The following SPRED2 variants were observed in gnomAD, a reference collection of about 807,000 sequenced individuals.
SPRED2 encodes sprouty related EVH1 domain containing 2.
In SPRED2, 47 loss-of-function variants were observed where a neutral mutation model predicts 43.0. The ratio of observed to expected loss-of-function variants is 1.09; its 90% CI spans 0.87 to 1.40. The LOEUF (loss-of-function observed/expected upper bound fraction) is 1.40, where lower values mean the gene tolerates loss of function less well. Among genes scored for constraint, SPRED2 ranks in the 40% most tolerant of loss-of-function variants. SPRED2 has a pLI of 0.00. For synonymous variants in SPRED2, 225 were observed against 225.7 expected, an observed-to-expected ratio of 1.00 and a Z score of 0.03; for missense variants, 561 against 586.4, an observed-to-expected ratio of 0.96 and a Z score of 0.45.
chr2:65,420,004 G>T (rs1676383660), intron 1 of SPRED2, among the ~76,000 whole-genome samples: 1 of 152,100 alleles, frequency 6.6e-6, no homozygotes, highest in Non-Finnish European at 1.5e-5. Context: ...GAGGTCAGGA[G>T]TTCGAGACCA....
At chr2:65,357,926 G>A (rs561354952) in intron 1 of SPRED2, among the ~76,000 whole-genome samples, 1 of 152,176 alleles carries the variant, frequency 6.6e-6, no homozygotes, top group Middle Eastern at 3.4e-3. Flanking sequence ...GAGGGGTAGA[G>A]ACCACAAATG....
chr2:65,330,175 G>A (rs2104197233), intron 4 of SPRED2, among the ~76,000 whole-genome samples: 1 of 152,276 alleles, frequency 6.6e-6, no homozygotes, highest in South Asian at 2.1e-4. Flanking sequence ...AAACCATCTT[G>A]TGATCTCTTT....
intron 1 of SPRED2, among the ~76,000 whole-genome samples, chr2:65,356,986 T>C (rs1304333729): frequency 6.6e-6 from 1 of 152,036 alleles, no homozygotes; most frequent in Non-Finnish European, 1.5e-5. Context: ...AGAATGAGTC[T>C]CTGTCTCAAA....
At chr2:65,336,495 T>A (rs1673970378) in intron 2 of SPRED2, among the ~76,000 whole-genome samples, 1 of 152,206 alleles carries the variant, frequency 6.6e-6, no homozygotes, top group Admixed American at 6.5e-5. Context: ...TACATTGTAT[T>A]GAGATCGGAC....
chr2:65,360,429 G>A (rs183041776), intron 1 of SPRED2, among the ~76,000 whole-genome samples: 2 of 152,340 alleles, frequency 1.3e-5, no homozygotes, highest in East Asian at 1.9e-4. Context: ...TTGTGTGTTC[G>A]CATATAGCGA....
intron 1 of SPRED2, among the ~76,000 whole-genome samples, chr2:65,412,033 CA>C (rs966745063): frequency 9.3e-5 from 14 of 150,964 alleles, no homozygotes; most frequent in African/African-American, 3.4e-4. Flanking sequence ...GAGGCTGAGG[CA>C]GGAGAATGGC....
At chr2:65,320,041 T>C (rs548441882) in intron 4 of SPRED2, among the ~76,000 whole-genome samples, 78 of 152,214 alleles carry the variant, frequency 5.1e-4, no homozygotes, top group Non-Finnish European at 9.6e-4. Context: ...CACCCTGCTG[T>C]ATACAAACCC....
intron 1 of SPRED2, among the ~76,000 whole-genome samples, chr2:65,405,322 C>T (rs1210764966): frequency 6.6e-6 from 1 of 152,164 alleles, no homozygotes; most frequent in Non-Finnish European, 1.5e-5. Context: ...AGTCGTTATC[C>T]AGGGAGTTAC....
chr2:65,326,668 C>A (rs1249487276), intron 4 of SPRED2, among the ~76,000 whole-genome samples: 1 of 152,102 alleles, frequency 6.6e-6, no homozygotes, highest in Non-Finnish European at 1.5e-5. Context: ...AACCAACCAA[C>A]CAACCAACCA....
chr2:65,419,843 C>T (rs1248928086), intron 1 of SPRED2, among the ~76,000 whole-genome samples: 1 of 152,100 alleles, frequency 6.6e-6, no homozygotes, highest in African/African-American at 2.4e-5. Flanking sequence ...AGCATCAGTT[C>T]AAGACTTGCA....
chr2:65,341,835 C>G (rs900416455), intron 2 of SPRED2, among the ~76,000 whole-genome samples: 1 of 151,858 alleles, frequency 6.6e-6, no homozygotes, highest in East Asian at 1.9e-4. Flanking sequence ...AAAACATAAG[C>G]CTTCAGACAA....
Position 65,313,230 on chromosome 2 carries a change from G to T in SPRED2, c.*271C>A. 8.0e-7 allele frequency: 1 copy of T among 1,247,296 alleles called. No individual in the cohort carries two copies. Among genetic ancestry groups the T allele is most frequent in the Non-Finnish European group, 1.0e-6 (1 of 994,072 alleles). The allele number at this position is 1,247,296 out of a possible 1,614,324, so 77.3% of individuals were successfully genotyped here. A position where few individuals can be genotyped will look rare whatever the true frequency, so the allele number is the denominator to read the frequency against. ...TTAGCTTGGTTACAGATTGTTAATA[G>T]TACAGGAGTCTGTGGCGAAGGTTCC... is the stretch of plus-strand genomic sequence containing the variant. On this transcript the variant is annotated 3_prime_UTR_variant, in exon 6 of 6. Coordinates refer to ENST00000356388, the MANE Select transcript of SPRED2 (RefSeq NM_181784.3).
intron 1 of SPRED2, among the ~76,000 whole-genome samples, chr2:65,409,192 C>T (rs553099499): frequency 1.3e-5 from 2 of 152,162 alleles, no homozygotes; most frequent in Admixed American, 6.5e-5. Context: ...AAATTCACAC[C>T]CAGGTCTGTC....
At position 65,312,621 on chromosome 2, in the gene SPRED2, TA is replaced by T; in HGVS notation, c.*879del. The T allele has an allele frequency of 1.0e-6, 1 of 985,876 alleles. No individual in the cohort carries two copies. Among genetic ancestry groups the T allele is most frequent in the Non-Finnish European group, 1.2e-6 (1 of 829,920 alleles). 61.1% of individuals were successfully genotyped at this position (985,876 alleles called of 1,614,324 possible). On this transcript the variant is annotated 3_prime_UTR_variant, in exon 6 of 6. Transcript: ENST00000356388. ...TCCTATTCTAATATTGCTAAATTTTTAGAAGTGGTGGCAACACAATTTAAAA... is the reference window on the plus strand; with the variant it reads ...TCCTATTCTAATATTGCTAAATTTTTGAAGTGGTGGCAACACAATTTAAAA...
intron 1 of SPRED2, 68 bp from the exon 2 acceptor site, chr2:65,344,964 A>T: frequency 2.7e-6 from 4 of 1,463,188 alleles, no homozygotes; most frequent in Non-Finnish European, 3.7e-6. Context: ...ACGTTTCAAA[A>T]TGCAAGATGA....
intron 4 of SPRED2, among the ~76,000 whole-genome samples, chr2:65,326,657 AAACCAACCAACC>A (rs535525985): frequency 1.2e-4 from 18 of 152,122 alleles, no homozygotes; most frequent in African/African-American, 4.3e-4. Flanking sequence ...ACAACAACAA[AAACCAACCAACC>A]AACCAACCAA....
At chr2:65,362,294 G>A (rs560054981) in intron 1 of SPRED2, among the ~76,000 whole-genome samples, 8 of 151,944 alleles carry the variant, frequency 5.3e-5, no homozygotes, top group Non-Finnish European at 1.5e-5. Context: ...TTTTGAGATG[G>A]AGTCTCACTC....
At chr2:65,322,544 T>G (rs1023259660) in intron 4 of SPRED2, among the ~76,000 whole-genome samples, 1 of 151,876 alleles carries the variant, frequency 6.6e-6, no homozygotes, top group African/African-American at 2.4e-5. Flanking sequence ...CCACCTGCCT[T>G]GGCCTCCCAA....
chr2:65,311,751 T>C lies in SPRED2; in HGVS notation c.*1750A>G. ...ATGAAGACGTCTACTAACTGACTCA[T>C]AAGCACACTGGGTATTTACACCGGT... On this transcript the variant is annotated 3_prime_UTR_variant, in exon 6 of 6. Transcript: ENST00000356388. 1 of 985,462 alleles carries C rather than the reference T, an allele frequency of 1.0e-6. No individual in the cohort carries two copies. The highest frequency in any genetic ancestry group is 1.2e-6 in the Non-Finnish European group (1 of 829,944). The allele number at this position is 985,462 out of a possible 1,614,324, so 61.0% of individuals were successfully genotyped here.
Sources: allele counts gnomAD v4.1 joint callset (sites outside exome capture counted in the v4.1 genomes callset), GRCh38; gene constraint gnomAD v4.1.1; transcripts MANE v1.5; gene names NCBI Gene and HGNC (gene_info 2026-07-23, HGNC 2026-07-21).